Variants in ERG observed in about 807,000 individuals in gnomAD.
The protein encoded by ERG is transcriptional regulator ERG.
A neutral mutation model predicts 55.3 loss-of-function variants in ERG; 9 were observed. That is an observed-to-expected ratio of 0.16 (90% confidence interval 0.10 to 0.28). The LOEUF (loss-of-function observed/expected upper bound fraction) is 0.28. Ranked by LOEUF, ERG falls within the 10% of genes least tolerant of loss-of-function variation. ERG has a pLI of 1.00. For missense variants in ERG, 434 were observed against 631.6 expected (o/e 0.69, Z 3.35); for synonymous variants, 223 against 237.3 (o/e 0.94, Z 0.55).
intron 1 of ERG, among the ~76,000 whole-genome samples, chr21:38,651,818 A>G (rs1461145407): frequency 6.6e-6 from 1 of 152,118 alleles, no homozygotes; most frequent in African/African-American, 2.4e-5. Context: ...GGATCTCAGC[A>G]TCCGCCTGCC....
At chr21:38,573,572 T>C (rs1317440470) in intron 2 of ERG, among the ~76,000 whole-genome samples, 2 of 152,228 alleles carry the variant, frequency 1.3e-5, no homozygotes, top group African/African-American at 4.8e-5. Flanking sequence ...CATCCAGGCA[T>C]AGTACCTTCC....
chr21:38,636,608 G>A (rs1435248158), intron 1 of ERG, among the ~76,000 whole-genome samples: 2 of 152,188 alleles, frequency 1.3e-5, no homozygotes, highest in Non-Finnish European at 2.9e-5. Context: ...AAGCCGGAGG[G>A]AAGCTTTTTC....
At chr21:38,531,008 T>C (rs2059668605) in intron 2 of ERG, among the ~76,000 whole-genome samples, 1 of 152,302 alleles carries the variant, frequency 6.6e-6, no homozygotes, top group South Asian at 2.1e-4. Context: ...GACACAGATA[T>C]TGATGATAAA....
At chr21:38,559,383 C>CTTTTTTTTTTTTTTTTT (rs574207119) in intron 2 of ERG, among the ~76,000 whole-genome samples, 1 of 92,078 alleles carries the variant, frequency 1.1e-5, no homozygotes, top group Non-Finnish European at 1.9e-5. Flanking sequence ...TCCCATTTCC[C>CTTTTTTTTTTTTTTTTT]TTTTTTTTTT....
At chr21:38,385,442 A>C (rs1987647918) in intron 9 of ERG, among the ~76,000 whole-genome samples, 1 of 152,324 alleles carries the variant, frequency 6.6e-6, no homozygotes, top group Admixed American at 6.5e-5. Context: ...ATACTGTAAA[A>C]ATCAATTTTA....
intron 2 of ERG, among the ~76,000 whole-genome samples, chr21:38,425,059 A>G (rs890876507): frequency 6.6e-6 from 1 of 152,208 alleles, no homozygotes; most frequent in African/African-American, 2.4e-5. Flanking sequence ...CATTGGTGAA[A>G]TCGCATCTGA....
At chr21:38,489,145 A>T (rs2059313728) in intron 1 of ERG, among the ~76,000 whole-genome samples, 1 of 152,212 alleles carries the variant, frequency 6.6e-6, no homozygotes, top group African/African-American at 2.4e-5. Context: ...TTTATCCTCA[A>T]GGTAATTGCT....
chr21:38,506,544 T>C (rs1376960066), intron 2 of ERG, among the ~76,000 whole-genome samples: 4 of 152,198 alleles, frequency 2.6e-5, no homozygotes, highest in African/African-American at 9.6e-5. Context: ...TAAAACTTAA[T>C]ATACAGATTT....
intron 1 of ERG, among the ~76,000 whole-genome samples, chr21:38,480,474 T>A (rs2059227375): frequency 6.6e-6 from 1 of 151,974 alleles, no homozygotes; most frequent in South Asian, 2.1e-4. Flanking sequence ...AATAAATTTC[T>A]CTTGCTTTAA....
At chr21:38,658,559 G>A (rs1287286792) in intron 1 of ERG, among the ~76,000 whole-genome samples, 1 of 151,896 alleles carries the variant, frequency 6.6e-6, no homozygotes, top group Non-Finnish European at 1.5e-5. Flanking sequence ...AAGATAGCAA[G>A]ATAAAAATAA....
At chr21:38,583,420 C>T (rs534335202) in intron 1 of ERG, among the ~76,000 whole-genome samples, 1 of 152,334 alleles carries the variant, frequency 6.6e-6, no homozygotes, top group Non-Finnish European at 1.5e-5. Flanking sequence ...GCCCTGGCTC[C>T]TGCACTCCAA....
At chr21:38,520,636 C>T (rs1400181181) in intron 2 of ERG, among the ~76,000 whole-genome samples, 1 of 152,102 alleles carries the variant, frequency 6.6e-6, no homozygotes, top group Non-Finnish European at 1.5e-5. Context: ...GCTGGGATAA[C>T]CAAGCTAAGA....
intron 2 of ERG, among the ~76,000 whole-genome samples, chr21:38,522,606 T>C (rs980137420): frequency 5.3e-5 from 8 of 152,218 alleles, no homozygotes; most frequent in South Asian, 2.1e-4. Context: ...ACTTACAGTG[T>C]AGTAGATCAA....
chr21:38,498,704 G>A (rs1001253710), upstream of ERG, among the ~76,000 whole-genome samples: 17 of 151,942 alleles, frequency 1.1e-4, no homozygotes, highest in African/African-American at 3.4e-4. This position sits in a 1 kb window ranked among gnomAD's most constrained non-coding sequence, Gnocchi z 4.6. Context: ...AGGTGTGACC[G>A]GTGTGCCGCC....
chr21:38,601,828 T>G (rs2836555), intron 1 of ERG, among the ~76,000 whole-genome samples: 32,156 of 152,142 alleles, frequency 0.21, 3,938 homozygotes, highest in Non-Finnish European at 0.28. Context: ...TTAAATGAGG[T>G]GTAGTCAAAG....
At chr21:38,439,348 C>G (rs1459724455) in intron 2 of ERG, among the ~76,000 whole-genome samples, 2 of 152,222 alleles carry the variant, frequency 1.3e-5, no homozygotes, top group Non-Finnish European at 2.9e-5. Flanking sequence ...TCCTGCTAGT[C>G]TATCATGACT....
chr21:38,617,101 C>T lies in ERG; in HGVS notation c.-149-32156G>A, dbSNP rs932482098. 4.6e-5 allele frequency among the ~76,000 whole-genome samples: 7 copies of T among 152,164 alleles called. No homozygotes were observed. The South Asian group carries it at 8.3e-4, about 18-fold the overall frequency. ...AAACCCAACCTCTGAATGACCTCCA[C>T]GAAGGGATAACATAATAATGCGGCT... On this transcript the variant is annotated intron_variant, in intron 1 of 10. Coordinates refer to the ERG transcript ENST00000398910.
intron 1 of ERG, among the ~76,000 whole-genome samples, chr21:38,619,761 T>C (rs1034352801): frequency 6.6e-6 from 1 of 152,258 alleles, no homozygotes; most frequent in Non-Finnish European, 1.5e-5. Flanking sequence ...TGTGGCTTAA[T>C]GTAGCATCAT....
intron 1 of ERG, among the ~76,000 whole-genome samples, chr21:38,480,193 C>G (rs2059224703): frequency 6.6e-6 from 1 of 152,170 alleles, no homozygotes; most frequent in African/African-American, 2.4e-5. Context: ...CATCATGCTA[C>G]TTAGCATGGT....
Sources: gnomAD v4.1 joint callset for allele counts (sites outside exome capture counted in the v4.1 genomes callset) on GRCh38, gnomAD v4.1.1 for gene constraint, Gnocchi (gnomAD v3.1) non-coding constraint, MANE v1.5 for transcripts, NCBI Gene and HGNC (gene_info 2026-07-23, HGNC 2026-07-21) for gene names.